SFXN5: variants seen among roughly 807,000 people sequenced by gnomAD.
SFXN5 encodes the protein sideroflexin-5.
A neutral mutation model predicts 50.2 loss-of-function variants in SFXN5; 43 were observed. The ratio of observed to expected loss-of-function variants is 0.86; its 90% confidence interval spans 0.67 to 1.11. The LOEUF is 1.11. Among genes scored for constraint, SFXN5 ranks in the 50% least tolerant of loss-of-function variants. SFXN5 has a pLI of 0.00. For synonymous variants in SFXN5, 203 were observed against 185.8 expected (o/e 1.09, Z -0.75); for missense variants, 463 against 454.1 (o/e 1.02, Z -0.18).
At chr2:72,966,444 G>A (rs964248406) in intron 12 of SFXN5, among the ~76,000 whole-genome samples, 28 of 152,144 alleles carry the variant, frequency 1.8e-4, no homozygotes, top group Admixed American at 1.6e-3. Context: ...AAGGGGCTAC[G>A]TATACGAGAG....
intron 10 of SFXN5, among the ~76,000 whole-genome samples, chr2:72,987,113 GTTTT>G (rs141271433): frequency 3.3e-5 from 5 of 151,856 alleles, no homozygotes; most frequent in Non-Finnish European, 7.4e-5. Flanking sequence ...GTTTTTTGGG[GTTTT>G]TTTTGTTTTG....
intron 2 of SFXN5, chr2:73,049,608 C>T (rs1482833649): frequency 6.6e-6 from 1 of 152,146 alleles, no homozygotes; most frequent in Non-Finnish European, 1.5e-5. Flanking sequence ...ACCCTCATGG[C>T]CTAATTGCCT....
chr2:73,004,733 A>C (rs2105723095), intron 6 of SFXN5, among the ~76,000 whole-genome samples: 1 of 152,252 alleles, frequency 6.6e-6, no homozygotes, highest in African/African-American at 2.4e-5. Flanking sequence ...TGAGGCAGGG[A>C]AGCAGGGATC....
chr2:72,981,981 G>C (rs1275767515), intron 10 of SFXN5, among the ~76,000 whole-genome samples: 1 of 151,642 alleles, frequency 6.6e-6, no homozygotes, highest in Non-Finnish European at 1.5e-5. Flanking sequence ...GTGTGTGTGT[G>C]TGTGTGTGTG....
At chr2:72,956,266 A>G (rs2105355646) in intron 13 of SFXN5, among the ~76,000 whole-genome samples, 1 of 152,354 alleles carries the variant, frequency 6.6e-6, no homozygotes, top group Non-Finnish European at 1.5e-5. Context: ...CCTGTTCCCC[A>G]GTTCTCACGA....
chr2:72,966,820 C>T (rs906717894), intron 12 of SFXN5, among the ~76,000 whole-genome samples: 4 of 152,228 alleles, frequency 2.6e-5, no homozygotes, highest in African/African-American at 7.2e-5. Flanking sequence ...TTCCTCTTCT[C>T]AAGGTCACCT....
At chr2:72,980,169 C>A (rs959937135) in intron 10 of SFXN5, among the ~76,000 whole-genome samples, 1 of 152,070 alleles carries the variant, frequency 6.6e-6, no homozygotes, top group Non-Finnish European at 1.5e-5. Flanking sequence ...CTTCCTTCCA[C>A]CGTTGTGGGC....
chr2:73,025,024 GT>G (rs1025960082), intron 3 of SFXN5, among the ~76,000 whole-genome samples: 5 of 152,212 alleles, frequency 3.3e-5, no homozygotes, highest in Admixed American at 1.3e-4. Context: ...ATTAGAAGCA[GT>G]CGATGTTTAA....
intron 10 of SFXN5, among the ~76,000 whole-genome samples, chr2:72,978,530 G>A (rs1016232198): frequency 6.6e-5 from 10 of 151,992 alleles, no homozygotes; most frequent in Admixed American, 2.6e-4. Flanking sequence ...TGATCCACTC[G>A]CCTCAGCCTC....
chr2:73,004,463 G>A (rs1674347470), intron 6 of SFXN5, among the ~76,000 whole-genome samples: 1 of 152,190 alleles, frequency 6.6e-6, no homozygotes, highest in Non-Finnish European at 1.5e-5. Context: ...TTGGTTATGT[G>A]TAAAGTTGAT....
chr2:73,016,437 G>A (rs1676153972), intron 6 of SFXN5, among the ~76,000 whole-genome samples: 2 of 152,188 alleles, frequency 1.3e-5, no homozygotes, highest in Non-Finnish European at 2.9e-5. Flanking sequence ...TGGGGCAGTG[G>A]CTCACACCTG....
At chr2:73,048,859 T>C (rs1680852432) in intron 2 of SFXN5, among the ~76,000 whole-genome samples, 1 of 152,242 alleles carries the variant, frequency 6.6e-6, no homozygotes, top group African/African-American at 2.4e-5. Context: ...GGTTCTCCAT[T>C]ATAAAGGTAC....
chr2:72,973,770 CTG>C lies in SFXN5; in HGVS notation c.626-2087_626-2086del, dbSNP rs1179185658. Among the ~76,000 whole-genome samples, 2 of 152,172 alleles carry C rather than the reference CTG, an allele frequency of 1.3e-5. No homozygotes were observed. The highest frequency in any genetic ancestry group is 1.3e-4 in the Admixed American group (2 of 15,286). On this transcript the variant is annotated intron_variant, in intron 10 of 13. Coordinates refer to ENST00000272433, the MANE Select transcript of SFXN5 (RefSeq NM_144579.3). This position sits in a 1 kb window ranked among gnomAD's most constrained non-coding sequence, Gnocchi z 5.5. ...GCCTTGGGAAGCAGCCACCTGGCCTCTGTGTTAGTGACATGCCCTCTAGTGGC... is the reference window on the plus strand; with the variant it reads ...GCCTTGGGAAGCAGCCACCTGGCCTCTGTTAGTGACATGCCCTCTAGTGGC...
intron 13 of SFXN5, among the ~76,000 whole-genome samples, chr2:72,954,241 T>C (rs1326023893): frequency 3.3e-5 from 5 of 151,984 alleles, no homozygotes; most frequent in Non-Finnish European, 7.4e-5. Context: ...GGGAGGGACA[T>C]GGGGAGTTCC....
At chr2:73,068,026 G>A (rs1683298541) in intron 1 of SFXN5, among the ~76,000 whole-genome samples, 1 of 152,098 alleles carries the variant, frequency 6.6e-6, no homozygotes, top group Non-Finnish European at 1.5e-5. Flanking sequence ...GGAGAAAGAT[G>A]GTCACAGACC....
intron 3 of SFXN5, among the ~76,000 whole-genome samples, chr2:73,034,158 C>T (rs953579336): frequency 2.0e-5 from 3 of 152,296 alleles, no homozygotes; most frequent in Non-Finnish European, 2.9e-5. Context: ...GCACTCAGTA[C>T]GACACCTAGC....
intron 10 of SFXN5, among the ~76,000 whole-genome samples, chr2:72,982,689 C>T (rs943232826): frequency 5.9e-5 from 9 of 152,150 alleles, no homozygotes; most frequent in African/African-American, 1.7e-4. Flanking sequence ...GGACTCCCAG[C>T]GAGGGCTTCC....
chr2:73,000,321 C>G (rs781395749), intron 8 of SFXN5, 110 bp downstream of exon 8: 4 of 1,034,458 alleles, frequency 3.9e-6, no homozygotes, highest in Non-Finnish European at 5.7e-6. Flanking sequence ...AGAGGAGGGC[C>G]ATGCTTAACC....
intron 12 of SFXN5, among the ~76,000 whole-genome samples, chr2:72,966,612 C>T (rs1264873185): frequency 2.0e-5 from 3 of 152,222 alleles, no homozygotes; most frequent in African/African-American, 7.2e-5. Context: ...CTCACCTCAG[C>T]TGGGCACACA....
Sources: allele counts gnomAD v4.1 joint callset (sites outside exome capture counted in the v4.1 genomes callset), GRCh38; gene constraint gnomAD v4.1.1; non-coding constraint Gnocchi (gnomAD v3.1); transcripts MANE v1.5; gene names NCBI Gene and HGNC (gene_info 2026-07-23, HGNC 2026-07-21).